Variants in TNS3 observed in about 807,000 individuals in gnomAD.
TNS3 encodes the protein tensin-3.
A neutral mutation model predicts 140.9 loss-of-function variants in TNS3; 45 were observed. That is an observed-to-expected ratio of 0.32 (90% confidence interval 0.25 to 0.41). The LOEUF (loss-of-function observed/expected upper bound fraction) is 0.41, where lower values mean the gene tolerates loss of function less well. Among genes scored for constraint, TNS3 ranks in the 10% least tolerant of loss-of-function variants. TNS3 has a pLI of 1.00. For synonymous variants in TNS3, 815 were observed against 788.4 expected, an observed-to-expected ratio of 1.03 and a Z score of -0.56; for missense variants, 1,716 against 1,906.7, an observed-to-expected ratio of 0.90 and a Z score of 1.86.
chr7:47,461,630 G>A (rs1484496412), intron 4 of TNS3, among the ~76,000 whole-genome samples: 11 of 152,232 alleles, frequency 7.2e-5, no homozygotes, highest in Admixed American at 7.2e-4. Context: ...CTGCAGTCCC[G>A]CACTGTGTTT....
At chr7:47,349,461 G>A (rs1233234711) in intron 17 of TNS3, among the ~76,000 whole-genome samples, 2 of 152,238 alleles carry the variant, frequency 1.3e-5, no homozygotes, top group Non-Finnish European at 2.9e-5. Flanking sequence ...ACGGAGAGCA[G>A]CTGTGGGTCT....
At chr7:47,549,345 C>G (rs932256305) in intron 1 of TNS3, among the ~76,000 whole-genome samples, 1 of 151,980 alleles carries the variant, frequency 6.6e-6, no homozygotes, top group African/African-American at 2.4e-5. Flanking sequence ...ACCAAAAAAA[C>G]TTAGCCATGT....
chr7:47,354,084 T>A (rs1789844518), intron 17 of TNS3, among the ~76,000 whole-genome samples: 1 of 151,460 alleles, frequency 6.6e-6, no homozygotes, highest in South Asian at 2.1e-4. Context: ...GATTGGGCAG[T>A]TTGAACAATG....
chr7:47,467,762 A>T (rs1796782996), intron 4 of TNS3, among the ~76,000 whole-genome samples: 1 of 152,168 alleles, frequency 6.6e-6, no homozygotes, highest in Non-Finnish European at 1.5e-5. Flanking sequence ...ATATTTGAAG[A>T]TAAGAAAACA....
At chr7:47,394,077 T>C (rs1178740681) in intron 16 of TNS3, among the ~76,000 whole-genome samples, 1 of 152,202 alleles carries the variant, frequency 6.6e-6, no homozygotes, top group Non-Finnish European at 1.5e-5. Flanking sequence ...AGATGCTGCA[T>C]GAAAAATACA....
In TNS3 at chr7:47,304,906, C is replaced by T. The variant is rs757623188; in HGVS notation, c.2748G>A (p.Ser916=). 19 of 1,433,666 alleles carry T rather than the reference C, an allele frequency of 1.3e-5. No homozygotes were observed. Among genetic ancestry groups the T allele is most frequent in the Non-Finnish European group, 1.7e-5 (18 of 1,080,564 alleles). 88.8% of individuals were successfully genotyped at this position (1,433,666 alleles called of 1,614,324 possible). ...KSTMLRADAS[S]TPSFQQAFAS... The stretch of plus-strand genomic sequence containing the variant: ...CAAAAGCCTGCTGAAAGGAGGGCGT[C>T]GAGGACGCATCAGCCCGGAGCATCG... Residue 916 remains serine (S), a synonymous_variant, in exon 21 of 31, where the codon TCG becomes TCA. Coordinates refer to ENST00000311160, the MANE Select transcript of TNS3 (RefSeq NM_022748.12).
intron 30 of TNS3, 107 bp downstream of exon 30, chr7:47,280,057 G>A: frequency 7.7e-7 from 1 of 1,297,632 alleles, no homozygotes; most frequent in South Asian, 1.3e-5. Flanking sequence ...TTGGCATGGT[G>A]TAGTCATTTT....
intron 17 of TNS3, among the ~76,000 whole-genome samples, chr7:47,355,614 T>C (rs1189144156): frequency 6.6e-6 from 1 of 152,200 alleles, no homozygotes; most frequent in African/African-American, 2.4e-5. Context: ...TCAGATCGCT[T>C]AGCCAGAAAA....
chr7:47,528,473 C>A (rs1054656574), intron 2 of TNS3, among the ~76,000 whole-genome samples: 4 of 152,154 alleles, frequency 2.6e-5, no homozygotes. Flanking sequence ...TGGTGTACCC[C>A]ACTGGTCCGC....
rs140535095 is a variant in TNS3 at position 47,289,842 on chromosome 7, C to T, written c.3928+2113G>A. On this transcript the variant is annotated intron_variant, in intron 27 of 30. Transcript: ENST00000311160. ...CCTAATTTCATCTATAGATTCAATG[C>T]AATCTCAATAAAAATCCCAGCAACT... 3.9e-5 allele frequency among the ~76,000 whole-genome samples: 6 copies of T among 152,296 alleles called. No individual in the cohort carries two copies. In the East Asian group the frequency reaches 9.6e-4, roughly 24 times the overall value.
chr7:47,348,705 G>A (rs1789492159), intron 17 of TNS3, among the ~76,000 whole-genome samples: 1 of 152,112 alleles, frequency 6.6e-6, no homozygotes, highest in Admixed American at 6.5e-5. Flanking sequence ...TGGACAGTGT[G>A]GTCAAGTGTT....
chr7:47,279,853 C>T (rs1335811046), intron 30 of TNS3: 1 of 453,916 alleles, frequency 2.2e-6, no homozygotes, highest in African/African-American at 2.0e-5. Context: ...CTGTGCAGAC[C>T]TCAGCACTGC....
chr7:47,461,488 G>A (rs1325513682), intron 4 of TNS3, among the ~76,000 whole-genome samples: 3 of 152,156 alleles, frequency 2.0e-5, no homozygotes, highest in Admixed American at 2.0e-4. Context: ...TAGCAGTGCA[G>A]AAGTAGGAAC....
intron 27 of TNS3, among the ~76,000 whole-genome samples, chr7:47,287,374 T>C (rs926063585): frequency 6.6e-6 from 1 of 152,238 alleles, no homozygotes; most frequent in Non-Finnish European, 1.5e-5. Context: ...CTTTGTGAGT[T>C]GTCTGCTAAT....
chr7:47,337,311 G>A (rs1378204633), intron 20 of TNS3, among the ~76,000 whole-genome samples: 1 of 152,134 alleles, frequency 6.6e-6, no homozygotes, highest in Non-Finnish European at 1.5e-5. Flanking sequence ...TATTTCTCTT[G>A]GACACCTATC....
chr7:47,511,454 G>A (rs1042590943), intron 2 of TNS3, among the ~76,000 whole-genome samples: 1 of 94,650 alleles, frequency 1.1e-5, no homozygotes, highest in Non-Finnish European at 2.7e-5. Context: ...CATGTAATTG[G>A]TTCATTACCA....
In TNS3 at chr7:47,543,759, A is replaced by T. The variant is rs544973065; in HGVS notation, c.-264-14612T>A. On this transcript the variant is annotated intron_variant, in intron 1 of 30. Coordinates refer to ENST00000311160, the MANE Select transcript of TNS3 (RefSeq NM_022748.12). ...CCACCAGGTTAACCAAAACGTCTCCATTGGCTACAAAGTTCCCGGGCACGC... is the reference window on the plus strand; with the variant it reads ...CCACCAGGTTAACCAAAACGTCTCCTTTGGCTACAAAGTTCCCGGGCACGC... Among the ~76,000 whole-genome samples the T allele has an allele frequency of 3.3e-5, 5 of 152,332 alleles. No homozygotes were observed. The South Asian group carries it at 1.0e-3, about 32-fold the overall frequency.
At chr7:47,311,430 GTGTGTGTGTA>G (rs753163408) in intron 20 of TNS3, among the ~76,000 whole-genome samples, 9 of 121,846 alleles carry the variant, frequency 7.4e-5, no homozygotes, top group Non-Finnish European at 1.1e-4. Context: ...GTGTGTGTGT[GTGTGTGTGTA>G]TACATATATA....
chr7:47,445,882 T>C (rs528808484), intron 4 of TNS3, among the ~76,000 whole-genome samples: 6 of 152,352 alleles, frequency 3.9e-5, no homozygotes, highest in Non-Finnish European at 7.3e-5. Context: ...TATTTGAAAG[T>C]AAACAATACA....
Sources: gnomAD v4.1 joint callset for allele counts (sites outside exome capture counted in the v4.1 genomes callset) on GRCh38, gnomAD v4.1.1 for gene constraint, MANE v1.5 for transcripts, NCBI Gene and HGNC (gene_info 2026-07-23, HGNC 2026-07-21) for gene names.